The following GNB5 variants were observed in gnomAD, a reference collection of about 807,000 sequenced individuals.
GNB5 encodes guanine nucleotide-binding protein subunit beta-5.
In GNB5, 37 loss-of-function variants were observed where a neutral mutation model predicts 55.3. The ratio of observed to expected loss-of-function variants is 0.67; its 90% CI spans 0.51 to 0.88. The LOEUF (loss-of-function observed/expected upper bound fraction) is 0.88. Ranked by LOEUF, GNB5 falls within the 40% of genes least tolerant of loss-of-function variation. The probability of loss-of-function intolerance (pLI) is 0.00; values close to 1 mark genes in which losing one functional copy is unlikely to be tolerated. For synonymous variants in GNB5, 219 were observed against 198.5 expected (o/e 1.10, Z -0.87); for missense variants, 476 against 515.3 (o/e 0.92, Z 0.74).
chr15:52,123,786 G>C (rs181921245), intron 12 of GNB5, among the ~76,000 whole-genome samples: 1 of 151,774 alleles, frequency 6.6e-6, no homozygotes, highest in Admixed American at 6.6e-5. Flanking sequence ...CAAGTGATCC[G>C]CCTGACTTGG....
At chr15:52,158,471 G>C (rs564295568) in intron 3 of GNB5, among the ~76,000 whole-genome samples, 1 of 152,150 alleles carries the variant, frequency 6.6e-6, no homozygotes, top group East Asian at 1.9e-4. Context: ...TTTGGTGGGC[G>C]AACAAAACAA....
At chr15:52,155,316 C>T (rs1394848022) in intron 3 of GNB5, among the ~76,000 whole-genome samples, 1 of 152,166 alleles carries the variant, frequency 6.6e-6, no homozygotes, top group African/African-American at 2.4e-5. Flanking sequence ...TTGACGGGGC[C>T]GTGGCCCATT....
chr15:52,130,636 G>C (rs1566933579), intron 9 of GNB5, among the ~76,000 whole-genome samples: 2 of 152,174 alleles, frequency 1.3e-5, no homozygotes, highest in Non-Finnish European at 2.9e-5. Context: ...GACTTCCTCA[G>C]TGCAGGAGAT....
intron 3 of GNB5, among the ~76,000 whole-genome samples, chr15:52,174,752 G>A (rs755373506): frequency 1.3e-5 from 2 of 152,124 alleles, no homozygotes; most frequent in Admixed American, 6.5e-5. Flanking sequence ...GCCTAGGGCC[G>A]CAGGGTCTCC....
intron 1 of GNB5, among the ~76,000 whole-genome samples, chr15:52,190,813 A>C (rs1173567175): frequency 2.8e-5 from 3 of 107,868 alleles, no homozygotes; most frequent in African/African-American, 1.1e-4. Context: ...AAAAAAAAAA[A>C]AAAAACATAA....
chr15:52,179,703 C>CG, intron 3 of GNB5, 65 bp downstream of exon 3: 1 of 1,020,672 alleles, frequency 9.8e-7, no homozygotes, highest in Non-Finnish European at 1.3e-6. Flanking sequence ...CCGCCCCCGC[C>CG]GTCCCCGCCC....
rs2033146803 is a variant in GNB5, at chr15:52,116,680, C to T, written c.*6077G>A. On this transcript the variant is annotated 3_prime_UTR_variant, in exon 13 of 13. Coordinates refer to ENST00000261837, the MANE Select transcript of GNB5 (RefSeq NM_016194.4). ...GGGGAGGCCATGAAGAGGGGATTCT[C>T]ATGCTTGTATGCCTAATACCAAAAA... 6.6e-6 allele frequency: 1 copy of T among 152,128 alleles called. No individual in the cohort carries two copies. The highest frequency in any genetic ancestry group is 2.4e-5 in the African/African-American group (1 of 41,426). The allele number at this position is 152,128 out of a possible 1,614,324, so 9.4% of individuals were successfully genotyped here. A position where few individuals can be genotyped will look rare whatever the true frequency, so the allele number is the denominator to read the frequency against.
chr15:52,147,270 T>C, intron 6 of GNB5, 189 bp downstream of exon 6: 1 of 485,802 alleles, frequency 2.1e-6, no homozygotes. Context: ...CCCAGGTGGC[T>C]GGGATTACAA....
chr15:52,168,413 G>A (rs1394807128), intron 3 of GNB5, among the ~76,000 whole-genome samples: 1 of 152,070 alleles, frequency 6.6e-6, no homozygotes, highest in East Asian at 1.9e-4. Context: ...CAGCTAACAA[G>A]GTAAGTGAAG....
intron 7 of GNB5, among the ~76,000 whole-genome samples, chr15:52,136,113 AACACACACACACACACACACACAC>A (rs751263225): frequency 6.3e-4 from 32 of 50,730 alleles, no homozygotes; most frequent in Admixed American, 2.4e-3. Context: ...AAAAGCAGAA[AACACACACACACACACACACACAC>A]ACACACACAC....
At chr15:52,182,465 C>G (rs1335858499) in intron 2 of GNB5, among the ~76,000 whole-genome samples, 1 of 152,150 alleles carries the variant, frequency 6.6e-6, no homozygotes, top group Non-Finnish European at 1.5e-5. Context: ...AAATAAACCT[C>G]GAACAGCCTC....
In GNB5 at chr15:52,124,863, C is replaced by T. The variant is rs2033380463; in HGVS notation, c.1010-224G>A. On this transcript the variant is annotated intron_variant, in intron 11 of 12. Coordinates refer to ENST00000261837, the MANE Select transcript of GNB5 (RefSeq NM_016194.4). The stretch of plus-strand genomic sequence containing the variant: ...TCACTGTAGCATCCCATGGTAACAG[C>T]CATAATGCAAGTGCTTTACACACGT... 1.8e-5 allele frequency: 8 copies of T among 454,852 alleles called. No individual in the cohort carries two copies. In the Admixed American group the frequency reaches 3.0e-4, roughly 17 times the overall value. The allele number at this position is 454,852 out of a possible 1,614,324, so 28.2% of individuals were successfully genotyped here.
chr15:52,129,408 C>T (rs1272849341), intron 9 of GNB5, among the ~76,000 whole-genome samples: 6 of 152,174 alleles, frequency 3.9e-5, no homozygotes, highest in African/African-American at 1.4e-4. Flanking sequence ...CTTTGTGTGA[C>T]TAACTTACAT....
intron 3 of GNB5, among the ~76,000 whole-genome samples, chr15:52,163,220 TG>T (rs2034373363): frequency 6.6e-6 from 1 of 152,184 alleles, no homozygotes; most frequent in Admixed American, 6.5e-5. Context: ...CCGAGGGCCT[TG>T]GGTCTAAAGC....
At chr15:52,165,330 G>C (rs1230819039) in intron 3 of GNB5, among the ~76,000 whole-genome samples, 1 of 152,118 alleles carries the variant, frequency 6.6e-6, no homozygotes, top group Admixed American at 6.5e-5. Context: ...TAAGAAGACA[G>C]GGCAACGTTC....
intron 2 of GNB5, among the ~76,000 whole-genome samples, chr15:52,182,801 T>G (rs946852707): frequency 2.0e-5 from 3 of 152,190 alleles, no homozygotes; most frequent in African/African-American, 7.2e-5. Context: ...TTAAAGTAAT[T>G]GTGGTTTTTG....
chr15:52,172,285 C>G (rs1222910387), intron 3 of GNB5, among the ~76,000 whole-genome samples: 1 of 151,902 alleles, frequency 6.6e-6, no homozygotes, highest in African/African-American at 2.4e-5. Context: ...AGGTACACAC[C>G]ATCATGCCTG....
chr15:52,124,833 A>G, intron 11 of GNB5, 194 bp from the exon 12 acceptor site: 1 of 562,478 alleles, frequency 1.8e-6, no homozygotes, highest in Non-Finnish European at 3.2e-6. Context: ...GCTGAAAGGA[A>G]CAGATCACTG....
chr15:52,131,015 G>A (rs150057218), intron 9 of GNB5, among the ~76,000 whole-genome samples: 27 of 152,144 alleles, frequency 1.8e-4, no homozygotes, highest in Non-Finnish European at 3.8e-4. Context: ...TGGTAGAGAC[G>A]GGGTTTCACC....
Sources: gnomAD v4.1 joint callset for allele counts (sites outside exome capture counted in the v4.1 genomes callset) on GRCh38, gnomAD v4.1.1 for gene constraint, MANE v1.5 for transcripts, NCBI Gene and HGNC (gene_info 2026-07-23, HGNC 2026-07-21) for gene names.